MACROD2: variants seen among roughly 807,000 people sequenced by gnomAD.
MACROD2 encodes mono-ADP ribosylhydrolase 2.
Under a neutral mutation model 70.4 loss-of-function variants are expected in MACROD2, and 36 were observed. The observed-to-expected ratio is 0.51, with a 90% CI of 0.39 to 0.68. The LOEUF (loss-of-function observed/expected upper bound fraction) is 0.68, where lower values mean the gene tolerates loss of function less well. MACROD2 is among the 30% of genes least tolerant of loss of function. The probability of loss-of-function intolerance (pLI) is 0.00; values close to 1 mark genes in which losing one functional copy is unlikely to be tolerated. For synonymous variants in MACROD2, 172 were observed against 178.8 expected (o/e 0.96, Z 0.30); for missense variants, 496 against 538.4 (o/e 0.92, Z 0.78).
intron 5 of MACROD2, among the ~76,000 whole-genome samples, chr20:14,978,680 T>C (rs2074766151): frequency 8.3e-6 from 1 of 120,206 alleles, no homozygotes; most frequent in Non-Finnish European, 1.6e-5. Flanking sequence ...CTGTGGTCCA[T>C]TTCATCTCCA....
At chr20:14,647,171 G>C (rs951705159) in intron 4 of MACROD2, among the ~76,000 whole-genome samples, 1 of 152,188 alleles carries the variant, frequency 6.6e-6, no homozygotes, top group Admixed American at 6.6e-5. Flanking sequence ...ACTAATTCAG[G>C]AGGATTTATT....
chr20:14,347,650 G>T (rs984693780), intron 3 of MACROD2, among the ~76,000 whole-genome samples: 2 of 152,124 alleles, frequency 1.3e-5, no homozygotes, highest in Non-Finnish European at 2.9e-5. Context: ...GTTTACAGGA[G>T]AATCCATGGG....
chr20:15,099,709 G>A (rs752094447), intron 5 of MACROD2, among the ~76,000 whole-genome samples: 1 of 152,144 alleles, frequency 6.6e-6, no homozygotes, highest in Non-Finnish European at 1.5e-5. Context: ...AAAGTTTTGA[G>A]ATCCATTCTA....
At chr20:14,100,781 T>A (rs949599862) in intron 3 of MACROD2, among the ~76,000 whole-genome samples, 50 of 139,342 alleles carry the variant, frequency 3.6e-4, no homozygotes, top group African/African-American at 1.3e-3. Context: ...TAATATATAT[T>A]ACATATTATA....
intron 8 of MACROD2, among the ~76,000 whole-genome samples, chr20:15,568,216 G>A (rs926563771): frequency 3.3e-5 from 5 of 152,132 alleles, no homozygotes; most frequent in African/African-American, 1.2e-4. Flanking sequence ...TGAGAGTTTC[G>A]AGGAAATCTC....
At chr20:15,134,032 G>A (rs191704954) in intron 5 of MACROD2, among the ~76,000 whole-genome samples, 2,816 of 147,592 alleles carry the variant, frequency 0.019, 33 homozygotes, top group Middle Eastern at 0.037. Flanking sequence ...TCAGCCTCCC[G>A]CGTAGCTGGG....
rs546718245 is a variant in MACROD2, at chr20:14,408,456, C to T, written c.272-85023C>T. Among the ~76,000 whole-genome samples the T allele has an allele frequency of 3.1e-4, 47 of 152,204 alleles. No homozygotes were observed. In the South Asian group the frequency reaches 7.1e-3, roughly 23 times the overall value. ...CCTTGTGATTACTTAAGTATGCTCC[C>T]GAGAGTCTGATTTCCCTTTGCCATC... On this transcript the variant is annotated intron_variant, in intron 3 of 17. Transcript: ENST00000684519.
rs530261735 is a variant in MACROD2 at position 14,164,043 on chromosome 20, C to G, written c.271+78315C>G. Among the ~76,000 whole-genome samples, 4 of 151,884 alleles carry G rather than the reference C, an allele frequency of 2.6e-5. No homozygotes were observed. The South Asian group carries it at 8.3e-4, about 32-fold the overall frequency. ...ATGTTTCATGTGTCCTTATGTTGCT[C>G]TCTGCACATCTTGTGTAACAGTTGC... On this transcript the variant is annotated intron_variant, in intron 3 of 17. Transcript: ENST00000684519.
At chr20:15,339,870 G>A (rs1255410787) in intron 6 of MACROD2, among the ~76,000 whole-genome samples, 1 of 151,538 alleles carries the variant, frequency 6.6e-6, no homozygotes, top group African/African-American at 2.4e-5. Context: ...AATATGTCCT[G>A]TAATATCTTT....
At chr20:14,019,248 T>C (rs370603293) in intron 2 of MACROD2, among the ~76,000 whole-genome samples, 20 of 152,250 alleles carry the variant, frequency 1.3e-4, no homozygotes, top group African/African-American at 4.8e-4. Context: ...ATTACTCAAA[T>C]TAGCCTCTCC....
intron 8 of MACROD2, among the ~76,000 whole-genome samples, chr20:15,816,836 A>G (rs983540874): frequency 6.6e-6 from 1 of 152,212 alleles, no homozygotes; most frequent in Non-Finnish European, 1.5e-5. Flanking sequence ...TTAACCTGTA[A>G]AAGACCAAGA....
Position 15,933,330 on chromosome 20 carries a change from A to G in MACROD2, c.830A>G (p.Gln277Arg). The stretch of plus-strand genomic sequence containing the variant: ...GTGGAAGAAATGGAAGAGCAGAGCC[A>G]AGATGCAGGTAGGCTCAGATTTCTT... ...QSVEEMEEQSQDADGVNTVTV... is the reference protein window; with the variant it reads ...QSVEEMEEQSRDADGVNTVTV... The change falls in exon 11 of 18, where the codon CAA becomes CGA. Residue 277 changes from glutamine to arginine, a missense_variant. Gln to Arg is a conservative substitution (Grantham distance 43, BLOSUM62 1). Transcript: ENST00000684519. 1 of 1,613,240 alleles carries G rather than the reference A, an allele frequency of 6.2e-7. No homozygotes were observed. The highest frequency in any genetic ancestry group is 8.5e-7 in the Non-Finnish European group (1 of 1,179,468).
intron 5 of MACROD2, among the ~76,000 whole-genome samples, chr20:14,846,795 G>C (rs2073146558): frequency 6.6e-6 from 1 of 150,948 alleles, no homozygotes; most frequent in Admixed American, 6.6e-5. Context: ...GGGATTACAG[G>C]CGTGAGCCAC....
intron 6 of MACROD2, among the ~76,000 whole-genome samples, chr20:15,234,007 ATATTCTTTTT>A (rs1749605743): frequency 4.0e-5 from 2 of 49,662 alleles, no homozygotes; most frequent in Admixed American, 3.2e-4. Context: ...ATATATATAT[ATATTCTTTTT>A]TTTTTTTTTT....
chr20:15,798,943 A>G (rs1158778034), intron 8 of MACROD2, among the ~76,000 whole-genome samples: 5 of 152,232 alleles, frequency 3.3e-5, no homozygotes, highest in Non-Finnish European at 7.3e-5. Flanking sequence ...TTTCGGGGAT[A>G]GAATGAAAAC....
chr20:14,659,605 C>G lies in MACROD2; in HGVS notation c.302-25238C>G, dbSNP rs764385249. 2.6e-5 allele frequency among the ~76,000 whole-genome samples: 4 copies of G among 152,216 alleles called. No individual in the cohort carries two copies. The East Asian group carries it at 7.7e-4, about 29-fold the overall frequency. On this transcript the variant is annotated intron_variant, in intron 4 of 17. Coordinates refer to ENST00000684519, the MANE Select transcript of MACROD2 (RefSeq NM_001351661.2). ...CTCCCCAGTTTTTTTTCTCTCTACCCTCCTCAGGTTACAATGCTAAAAGTT... is the reference window on the plus strand; with the variant it reads ...CTCCCCAGTTTTTTTTCTCTCTACCGTCCTCAGGTTACAATGCTAAAAGTT...
At chr20:14,039,624 A>T (rs774944114) in intron 2 of MACROD2, among the ~76,000 whole-genome samples, 1 of 152,120 alleles carries the variant, frequency 6.6e-6, no homozygotes, top group African/African-American at 2.4e-5. Flanking sequence ...AAGCAGGGAA[A>T]ACCGGTGATA....
chr20:15,287,803 A>T (rs114180359), intron 6 of MACROD2, among the ~76,000 whole-genome samples: 1,882 of 152,360 alleles, frequency 0.012, 41 homozygotes, highest in African/African-American at 0.041. Context: ...GTATTTTATT[A>T]TAAAGTTTGC....
intron 4 of MACROD2, among the ~76,000 whole-genome samples, chr20:14,644,938 T>A (rs1264738117): frequency 6.6e-6 from 1 of 152,152 alleles, no homozygotes; most frequent in African/African-American, 2.4e-5. Flanking sequence ...ACAAATAATA[T>A]GATGACTACA....
Sources: gnomAD v4.1 joint callset for allele counts (sites outside exome capture counted in the v4.1 genomes callset) on GRCh38, gnomAD v4.1.1 for gene constraint, MANE v1.5 for transcripts, NCBI Gene and HGNC (gene_info 2026-07-23, HGNC 2026-07-21) for gene names.